Variants in CELF4 observed in about 807,000 individuals in gnomAD.
CELF4 encodes CUGBP Elav-like family member 4.
In CELF4, 18 loss-of-function variants were observed where a neutral mutation model predicts 59.9. The observed-to-expected ratio is 0.30, with a 90% CI of 0.21 to 0.45. The LOEUF is 0.45. Among genes scored for constraint, CELF4 ranks in the 20% least tolerant of loss-of-function variants. The probability of loss-of-function intolerance (pLI) is 1.00; values close to 1 mark genes in which losing one functional copy is unlikely to be tolerated. For synonymous variants in CELF4, 261 were observed against 267.1 expected (o/e 0.98, Z 0.22); for missense variants, 456 against 689.0 (o/e 0.66, Z 3.79).
chr18:37,350,254 C>T (rs2098411812), intron 2 of CELF4, among the ~76,000 whole-genome samples: 1 of 152,158 alleles, frequency 6.6e-6, no homozygotes, highest in Non-Finnish European at 1.5e-5. Context: ...ATATGACGAC[C>T]AAGACTTTCT....
At chr18:37,275,319 G>C in intron 3 of CELF4, 76 bp from the exon 4 acceptor site, 10 of 1,505,712 alleles carry the variant, frequency 6.6e-6, no homozygotes, top group East Asian at 2.7e-5. Flanking sequence ...CGGAGGGGGA[G>C]AGCGGCAGGG....
At chr18:37,479,327 G>A (rs756022351) in intron 2 of CELF4, among the ~76,000 whole-genome samples, 7 of 152,340 alleles carry the variant, frequency 4.6e-5, no homozygotes, top group Non-Finnish European at 1.0e-4. Flanking sequence ...GGGCCTCACT[G>A]TCCCACCTTC....
intron 2 of CELF4, among the ~76,000 whole-genome samples, chr18:37,403,836 C>T (rs888821020): frequency 3.3e-5 from 5 of 152,206 alleles, no homozygotes; most frequent in Non-Finnish European, 5.9e-5. Flanking sequence ...TAGTGCTGCT[C>T]ATACCCTCTT....
At chr18:37,548,478 G>A (rs1242305113) in intron 1 of CELF4, among the ~76,000 whole-genome samples, 1 of 152,182 alleles carries the variant, frequency 6.6e-6, no homozygotes, top group African/African-American at 2.4e-5. Flanking sequence ...GGCTGTGTGT[G>A]TGTCACTGTC....
chr18:37,506,971 C>T (rs2099938821), intron 1 of CELF4, among the ~76,000 whole-genome samples: 1 of 152,176 alleles, frequency 6.6e-6, no homozygotes, highest in African/African-American at 2.4e-5. Context: ...GAAACCTGTA[C>T]ATTCTTGAAT....
intron 2 of CELF4, among the ~76,000 whole-genome samples, chr18:37,350,712 C>A (rs1218486951): frequency 6.6e-6 from 1 of 152,206 alleles, no homozygotes; most frequent in Non-Finnish European, 1.5e-5. Flanking sequence ...CAGATGACCT[C>A]GCAAGGGTCC....
intron 3 of CELF4, among the ~76,000 whole-genome samples, chr18:37,278,878 C>T (rs1398780005): frequency 6.6e-6 from 1 of 152,200 alleles, no homozygotes; most frequent in Non-Finnish European, 1.5e-5. Context: ...CTGTCTCCCA[C>T]CCACTCTGCC....
chr18:37,510,941 A>C (rs987588507), intron 1 of CELF4, among the ~76,000 whole-genome samples: 1 of 152,108 alleles, frequency 6.6e-6, no homozygotes, highest in Non-Finnish European at 1.5e-5. Context: ...TTTCTGTTCC[A>C]TAGAGTAACT....
Position 37,264,640 on chromosome 18 carries a change from A to C in CELF4, c.1249+34T>G, listed in dbSNP as rs1377470607. The C allele has an allele frequency of 2.0e-6, 3 of 1,525,406 alleles. No homozygotes were observed. In the Admixed American group the frequency reaches 5.8e-5, roughly 30 times the overall value. The allele number at this position is 1,525,406 out of a possible 1,614,324, so 94.5% of individuals were successfully genotyped here. On this transcript the variant is annotated intron_variant, in intron 10 of 12. Transcript: ENST00000420428. ...CAGCCTCTTTGGGGACAACAGGGGG[A>C]GGGAGGGGCCCAGGAGCTGGCCTGC...
chr18:37,469,455 T>C (rs142877330), intron 2 of CELF4, among the ~76,000 whole-genome samples: 2 of 152,266 alleles, frequency 1.3e-5, no homozygotes, highest in Non-Finnish European at 2.9e-5. Context: ...AAATCCCTCA[T>C]ACCAGCAGAC....
At chr18:37,515,109 T>C (rs2099949163) in intron 1 of CELF4, among the ~76,000 whole-genome samples, 1 of 152,174 alleles carries the variant, frequency 6.6e-6, no homozygotes, top group Admixed American at 6.5e-5. Flanking sequence ...ATTTGATAAC[T>C]CTGGGCTTAA....
In CELF4 at chr18:37,264,659, G is replaced by C. The variant is rs2076548158; in HGVS notation, c.1249+15C>G. ...AGGGGGAGGGAGGGGCCCAGGAGCTGGCCTGCAGACTCACCTTCTCTCTGC... is the reference window on the plus strand; with the variant it reads ...AGGGGGAGGGAGGGGCCCAGGAGCTCGCCTGCAGACTCACCTTCTCTCTGC... On this transcript the variant is annotated intron_variant, in intron 10 of 12. Transcript: ENST00000420428. The C allele has an allele frequency of 6.4e-7, 1 of 1,561,858 alleles. No individual in the cohort carries two copies. Among genetic ancestry groups the C allele is most frequent in the Non-Finnish European group, 8.7e-7 (1 of 1,152,048 alleles).
chr18:37,251,834 C>G (rs1417545185), intron 12 of CELF4, among the ~76,000 whole-genome samples: 1 of 152,206 alleles, frequency 6.6e-6, no homozygotes, highest in African/African-American at 2.4e-5. Flanking sequence ...ATCCCCCACA[C>G]TGGGCCCAGT....
chr18:37,528,641 G>A (rs892513232), intron 1 of CELF4, among the ~76,000 whole-genome samples: 1 of 152,196 alleles, frequency 6.6e-6, no homozygotes, highest in African/African-American at 2.4e-5. Flanking sequence ...GTTTGTGTGT[G>A]TCTGTACGTG....
At chr18:37,287,783 A>G (rs899631681) in intron 3 of CELF4, among the ~76,000 whole-genome samples, 1 of 152,246 alleles carries the variant, frequency 6.6e-6, no homozygotes, top group Non-Finnish European at 1.5e-5. Flanking sequence ...AGATGGATGG[A>G]TGGTAGACAT....
intron 2 of CELF4, among the ~76,000 whole-genome samples, chr18:37,330,525 A>G (rs1398005059): frequency 6.6e-6 from 1 of 152,256 alleles, no homozygotes. Context: ...TGTTGTCAGC[A>G]TAAAATTCTG....
intron 1 of CELF4, among the ~76,000 whole-genome samples, chr18:37,505,957 G>A (rs1311487686): frequency 2.8e-5 from 4 of 143,342 alleles, no homozygotes; most frequent in Admixed American, 2.1e-4. Context: ...CATGGGACAG[G>A]AGGGTGGTGG....
chr18:37,474,578 C>G (rs1318395021), intron 2 of CELF4, among the ~76,000 whole-genome samples: 1 of 152,224 alleles, frequency 6.6e-6, no homozygotes, highest in Non-Finnish European at 1.5e-5. Context: ...TGAGCAAGCC[C>G]CTTTGCCTCA....
At chr18:37,497,696 T>A (rs1202444831) in intron 1 of CELF4, among the ~76,000 whole-genome samples, 1 of 151,508 alleles carries the variant, frequency 6.6e-6, no homozygotes, top group Non-Finnish European at 1.5e-5. Flanking sequence ...GTAAGCATGC[T>A]TGGAAGGCCA....
Sources: gnomAD v4.1 joint callset for allele counts (sites outside exome capture counted in the v4.1 genomes callset) on GRCh38, gnomAD v4.1.1 for gene constraint, MANE v1.5 for transcripts, NCBI Gene and HGNC (gene_info 2026-07-23, HGNC 2026-07-21) for gene names.